CHST9: variants seen among roughly 807,000 people sequenced by gnomAD.
The protein encoded by CHST9 is GalNAc-4-sulfotransferase 2.
CHST9 carries 41 observed loss-of-function variants against 44.4 expected under a neutral mutation model. The ratio of observed to expected loss-of-function variants is 0.92; its 90% confidence interval spans 0.72 to 1.20. The LOEUF is 1.20. Among genes scored for constraint, CHST9 ranks in the 50% most tolerant of loss-of-function variants. CHST9 has a pLI of 0.00. For synonymous variants in CHST9, 171 were observed against 178.4 expected, an observed-to-expected ratio of 0.96 and a Z score of 0.33; for missense variants, 504 against 516.5, an observed-to-expected ratio of 0.98 and a Z score of 0.23.
At chr18:27,137,135 C>A (rs1327124357) in intron 2 of CHST9, among the ~76,000 whole-genome samples, 7 of 151,462 alleles carry the variant, frequency 4.6e-5, no homozygotes, top group African/African-American at 1.7e-4. Flanking sequence ...ATTAAGGAGT[C>A]AATTGCTGAT....
chr18:26,979,355 T>C (rs1206392636), intron 4 of CHST9, among the ~76,000 whole-genome samples: 8 of 152,218 alleles, frequency 5.3e-5, no homozygotes, highest in Non-Finnish European at 1.0e-4. Flanking sequence ...TTTTTTTCTA[T>C]GCATATATGG....
In CHST9 at chr18:26,917,002, A is replaced by G. The variant is rs1478060281; in HGVS notation, c.589T>C (p.Ser197Pro). 1.2e-6 allele frequency: 2 copies of G among 1,613,846 alleles called. No homozygotes were observed. The highest frequency in any genetic ancestry group is 1.7e-6 in the Non-Finnish European group (2 of 1,179,858). The change falls in exon 6 of 6, where the codon TCA (serine) becomes CCA (proline). Residue 197 changes from serine (S) to proline (P), a missense_variant. By Grantham distance (74) the Ser-to-Pro change is moderately conservative. Transcript: ENST00000618847. ...KKYGGVSHHQSHLFHTVSRIY... is the reference protein window; with the variant it reads ...KKYGGVSHHQPHLFHTVSRIY... ...CTGGATACTGTATGAAAAAGATGTG[A>G]CTGATGATGACTCACCCCACCGTAT... is the stretch of plus-strand genomic sequence containing the variant.
chr18:27,040,737 T>C (rs745400118), intron 3 of CHST9, among the ~76,000 whole-genome samples: 4 of 152,184 alleles, frequency 2.6e-5, no homozygotes, highest in Non-Finnish European at 4.4e-5. Flanking sequence ...AGGTTTTAAG[T>C]TGCACAGTAT....
intron 2 of CHST9, among the ~76,000 whole-genome samples, chr18:27,063,978 C>T (rs779924565): frequency 6.6e-6 from 1 of 152,200 alleles, no homozygotes; most frequent in Non-Finnish European, 1.5e-5. Context: ...CCCAAATGTG[C>T]ACAATCCAAT....
chr18:27,100,600 T>C (rs2058161904), intron 2 of CHST9, among the ~76,000 whole-genome samples: 1 of 152,178 alleles, frequency 6.6e-6, no homozygotes, highest in African/African-American at 2.4e-5. Context: ...TGTAAAATGG[T>C]ATTCAATTTG....
intron 2 of CHST9, among the ~76,000 whole-genome samples, chr18:27,059,303 T>C (rs992505): frequency 1.3e-4 from 20 of 152,182 alleles, no homozygotes; most frequent in African/African-American, 4.8e-4. Flanking sequence ...TTCGAAAACT[T>C]TACCATATAT....
chr18:27,051,793 T>C (rs2057570381), intron 2 of CHST9, among the ~76,000 whole-genome samples: 1 of 152,234 alleles, frequency 6.6e-6, no homozygotes, highest in Non-Finnish European at 1.5e-5. Flanking sequence ...TGCTAAATCC[T>C]GAGATAAGTG....
intron 2 of CHST9, among the ~76,000 whole-genome samples, chr18:27,061,869 G>A (rs1004551051): frequency 3.3e-5 from 5 of 152,136 alleles, no homozygotes; most frequent in Admixed American, 3.3e-4. Context: ...GAAGTAATTA[G>A]ACTTCTAGAA....
At chr18:26,979,650 GTCATTTTACCAAGAGC>G (rs932544672) in intron 4 of CHST9, among the ~76,000 whole-genome samples, 3 of 151,956 alleles carry the variant, frequency 2.0e-5, no homozygotes, top group African/African-American at 7.2e-5. Flanking sequence ...GTCTATATTT[GTCATTTTACCAAGAGC>G]TCCTTCAAGT....
chr18:27,092,353 G>GC (rs1188122882), intron 2 of CHST9, among the ~76,000 whole-genome samples: 6 of 151,684 alleles, frequency 4.0e-5, no homozygotes, highest in African/African-American at 1.5e-4. Context: ...TATCAGTCTT[G>GC]CTAGTGGTCT....
chr18:26,994,196 G>A (rs2056858186), intron 4 of CHST9, among the ~76,000 whole-genome samples: 3 of 152,168 alleles, frequency 2.0e-5, no homozygotes. Flanking sequence ...TACATTTTGA[G>A]GGCACACAAC....
At chr18:26,979,735 C>G (rs1206997579) in intron 4 of CHST9, among the ~76,000 whole-genome samples, 3 of 152,186 alleles carry the variant, frequency 2.0e-5, no homozygotes, top group Non-Finnish European at 2.9e-5. Flanking sequence ...TTGGCATAAA[C>G]TGCTCAAGAA....
intron 2 of CHST9, among the ~76,000 whole-genome samples, chr18:27,081,627 A>G (rs1284568977): frequency 6.6e-6 from 1 of 152,116 alleles, no homozygotes; most frequent in African/African-American, 2.4e-5. Context: ...ACCTCTTTAC[A>G]TTTAGTATAT....
At chr18:26,969,376 C>G (rs60363468) in intron 4 of CHST9, among the ~76,000 whole-genome samples, 44,200 of 94,812 alleles carry the variant, frequency 0.47, 7,958 homozygotes, top group African/African-American at 0.59. Context: ...CTCTCTCTCT[C>G]TGTGTGTGTG....
intron 5 of CHST9, chr18:26,925,705 G>A (rs1441402024): frequency 6.6e-6 from 1 of 152,110 alleles, no homozygotes; most frequent in Non-Finnish European, 1.5e-5. Flanking sequence ...TTCCTTATCT[G>A]GAAAATGAAG....
intron 4 of CHST9, among the ~76,000 whole-genome samples, chr18:26,972,929 C>T (rs778821274): frequency 2.4e-4 from 36 of 152,276 alleles, no homozygotes; most frequent in Non-Finnish European, 4.6e-4. Context: ...CGAGCTTCAC[C>T]CTCTGGCTTC....
Position 27,115,001 on chromosome 18 carries a change from T to C in CHST9, c.121+27688A>G, listed in dbSNP as rs145915974. Among the ~76,000 whole-genome samples, 55 of 152,308 alleles carry C rather than the reference T, an allele frequency of 3.6e-4. No individual in the cohort carries two copies. The South Asian group carries it at 8.3e-3, about 23-fold the overall frequency. The stretch of plus-strand genomic sequence containing the variant: ...ATATTTCCCCATGCTGTTCTCATGA[T>C]AGTGAGTCTTACGAGATCAGAAGTT... On this transcript the variant is annotated intron_variant, in intron 2 of 5. Transcript: ENST00000618847.
intron 5 of CHST9, among the ~76,000 whole-genome samples, chr18:26,918,698 T>C (rs1486797044): frequency 2.0e-5 from 3 of 152,052 alleles, no homozygotes; most frequent in Non-Finnish European, 4.4e-5. Flanking sequence ...AATTAAGCAA[T>C]AGAACAGAGG....
At chr18:27,152,177 T>A (rs558687521) in intron 1 of CHST9, among the ~76,000 whole-genome samples, 1 of 152,194 alleles carries the variant, frequency 6.6e-6, no homozygotes, top group East Asian at 1.9e-4. Flanking sequence ...TGCTTTGATT[T>A]TCTCTATAAT....
Sources: allele counts gnomAD v4.1 joint callset (sites outside exome capture counted in the v4.1 genomes callset), GRCh38; gene constraint gnomAD v4.1.1; transcripts MANE v1.5; gene names NCBI Gene and HGNC (gene_info 2026-07-23, HGNC 2026-07-21).